The following DMXL2 variants were observed in gnomAD, a reference collection of about 807,000 sequenced individuals.
DMXL2 encodes the protein Dmx like 2.
In DMXL2, 103 loss-of-function variants were observed where a neutral mutation model predicts 331.1. The observed-to-expected ratio is 0.31, with a 90% CI of 0.27 to 0.37. The LOEUF (loss-of-function observed/expected upper bound fraction) is 0.37. DMXL2 is among the 10% of genes least tolerant of loss of function. The pLI is 1.00. For missense variants in DMXL2, 3,171 were observed against 3,642.9 expected (o/e 0.87, Z 3.33); for synonymous variants, 1,281 against 1,252.1 (o/e 1.02, Z -0.49).
chr15:51,556,082 G>A (rs907694299), intron 6 of DMXL2, among the ~76,000 whole-genome samples: 7 of 152,158 alleles, frequency 4.6e-5, no homozygotes, highest in East Asian at 1.9e-4. Context: ...GGTGGCTCAC[G>A]CCTGTAATCC....
At chr15:51,619,843 C>G (rs1278977001) in intron 1 of DMXL2, among the ~76,000 whole-genome samples, 1 of 152,138 alleles carries the variant, frequency 6.6e-6, no homozygotes, top group Non-Finnish European at 1.5e-5. Flanking sequence ...CACCCACACA[C>G]CCTCTCCAGA....
At chr15:51,468,459 G>A (rs2040800146) in intron 29 of DMXL2, among the ~76,000 whole-genome samples, 1 of 152,150 alleles carries the variant, frequency 6.6e-6, no homozygotes, top group South Asian at 2.1e-4. Flanking sequence ...TATAAAATAT[G>A]TTTAAATCTA....
chr15:51,622,035 A>G (rs540419490), intron 1 of DMXL2, among the ~76,000 whole-genome samples: 1 of 152,122 alleles, frequency 6.6e-6, no homozygotes, highest in South Asian at 2.1e-4. Context: ...TCCGAGACCA[A>G]CACCAAGTCT....
At position 51,507,115 on chromosome 15, in the gene DMXL2, T is replaced by A; in HGVS notation, c.2764+19A>T. 6.4e-7 allele frequency: 1 copy of A among 1,565,066 alleles called. No homozygotes were observed. The highest frequency in any genetic ancestry group is 8.7e-7 in the Non-Finnish European group (1 of 1,153,132). On this transcript the variant is annotated intron_variant, in intron 16 of 43. Coordinates refer to ENST00000560891, the MANE Select transcript of DMXL2 (RefSeq NM_001378457.1). Reference sequence around the variant, plus strand: ...AAATTTGTTATGTATCATCTCTGTATAAAACTATAATTACTTACCTAAACA... The same window carrying A: ...AAATTTGTTATGTATCATCTCTGTAAAAAACTATAATTACTTACCTAAACA...
intron 1 of DMXL2, among the ~76,000 whole-genome samples, chr15:51,587,633 G>A (rs2051954385): frequency 6.6e-6 from 1 of 152,172 alleles, no homozygotes; most frequent in African/African-American, 2.4e-5. Flanking sequence ...AAACATACGT[G>A]TGCATGTGTC....
chr15:51,479,780 G>A (rs951934206), intron 25 of DMXL2, among the ~76,000 whole-genome samples, 168 bp downstream of exon 25: 2 of 152,164 alleles, frequency 1.3e-5, no homozygotes, highest in African/African-American at 4.8e-5. Context: ...CCAGAAGTAA[G>A]AACACTTACT....
rs1443749304 is a variant in DMXL2, at chr15:51,576,201, A to AG, written c.88-21_88-20insC. On this transcript the variant is annotated intron_variant, in intron 1 of 43. Transcript: ENST00000560891. ...ATATGCCTAAAAAAAAAAAAAAAAA[A>AG]AAGTTTTACAATACATAAGATATGT... 1.3e-5 allele frequency: 19 copies of AG among 1,438,164 alleles called. No individual in the cohort carries two copies. The highest frequency in any genetic ancestry group is 4.4e-5 in the African/African-American group (3 of 68,550). The allele number at this position is 1,438,164 out of a possible 1,614,324, so 89.1% of individuals were successfully genotyped here.
intron 1 of DMXL2, among the ~76,000 whole-genome samples, chr15:51,614,094 C>G (rs1480687515): frequency 6.6e-6 from 1 of 152,034 alleles, no homozygotes; most frequent in Non-Finnish European, 1.5e-5. Flanking sequence ...AGGGTGGGGC[C>G]CTATAAGACT....
intron 31 of DMXL2, among the ~76,000 whole-genome samples, chr15:51,465,257 C>T (rs556158541): frequency 6.6e-6 from 1 of 152,180 alleles, no homozygotes; most frequent in South Asian, 2.1e-4. Context: ...ATTAGCCCAG[C>T]ATGGTAGCAC....
rs57226377 is a variant in DMXL2, at chr15:51,583,106, CTT to C, written c.88-6927_88-6926del. On this transcript the variant is annotated intron_variant, in intron 1 of 43. Transcript: ENST00000560891. ...GCACAGAGGAAATTACTTCATTCTT[CTT>C]TTTTTTTTTTTTCTTTTTTTTTTTT... 4.8e-3 allele frequency among the ~76,000 whole-genome samples: 415 copies of C among 87,186 alleles called. 2 individuals carry two copies. Among genetic ancestry groups the C allele is most frequent in the Middle Eastern group, 0.021 (3 of 142 alleles). 57.2% of individuals were successfully genotyped at this position (87,186 alleles called of 152,430 possible). A position where few individuals can be genotyped will look rare whatever the true frequency, so the allele number is the denominator to read the frequency against.
At chr15:51,586,331 G>A (rs2051821704) in intron 1 of DMXL2, among the ~76,000 whole-genome samples, 1 of 152,052 alleles carries the variant, frequency 6.6e-6, no homozygotes, top group South Asian at 2.1e-4. Context: ...CAAAGCTGTG[G>A]GTGCTATGTC....
chr15:51,453,460 G>T, intron 41 of DMXL2, 90 bp downstream of exon 41: 1 of 970,824 alleles, frequency 1.0e-6, no homozygotes, highest in Non-Finnish European at 1.5e-6. Context: ...GCCTAGAGTG[G>T]AAAAACCCTA....
chr15:51,554,255 A>G (rs577924080), intron 6 of DMXL2, among the ~76,000 whole-genome samples: 1 of 152,306 alleles, frequency 6.6e-6, no homozygotes, highest in South Asian at 2.1e-4. Flanking sequence ...AAGTCAAAGG[A>G]ATGACTGGCT....
intron 16 of DMXL2, among the ~76,000 whole-genome samples, chr15:51,506,273 G>A (rs1336655435): frequency 1.3e-5 from 2 of 151,928 alleles, no homozygotes; most frequent in African/African-American, 4.8e-5. Context: ...CTATTGCCCA[G>A]GCTGATCTCG....
At position 51,529,136 on chromosome 15, in the gene DMXL2, G is replaced by A. The variant is rs369705886; in HGVS notation, c.2436+6527C>T. 1.2e-4 allele frequency among the ~76,000 whole-genome samples: 19 copies of A among 152,118 alleles called. No individual in the cohort carries two copies. The East Asian group carries it at 2.3e-3, about 19-fold the overall frequency. On this transcript the variant is annotated intron_variant, in intron 13 of 43. Transcript: ENST00000560891. ...TACTAAAAGAGGGAAGTTTATAGCT[G>A]TAAGTGCCTACATCAAAAAACAAGG...
rs28731446 is a variant in DMXL2, at chr15:51,606,853, A to C, written c.87+15606T>G. 9.2e-3 allele frequency among the ~76,000 whole-genome samples: 1,401 copies of C among 152,354 alleles called. 23 individuals carry two copies. Among genetic ancestry groups the C allele is most frequent in the African/African-American group, 0.032 (1,344 of 41,590 alleles). ...AAAAACATCTAGAATGTTGCACAAA[A>C]GGATAAAAAGATAGAAAACATGGGG... On this transcript the variant is annotated intron_variant, in intron 1 of 43. Transcript: ENST00000560891.
At position 51,593,593 on chromosome 15, in the gene DMXL2, C is replaced by A. The variant is rs896351396; in HGVS notation, c.88-17412G>T. On this transcript the variant is annotated intron_variant, in intron 1 of 43. Coordinates refer to ENST00000560891, the MANE Select transcript of DMXL2 (RefSeq NM_001378457.1). ...ATAGACATCTACAGAACTCTCCACC[C>A]CAAATCAACAGAATATACATTCTTC... is the stretch of plus-strand genomic sequence containing the variant. Among the ~76,000 whole-genome samples the A allele has an allele frequency of 9.2e-5, 14 of 152,304 alleles. No homozygotes were observed. In the East Asian group the frequency reaches 1.2e-3, roughly 13 times the overall value.
At chr15:51,600,064 A>G (rs543270064) in intron 1 of DMXL2, among the ~76,000 whole-genome samples, 1 of 152,306 alleles carries the variant, frequency 6.6e-6, no homozygotes, top group African/African-American at 2.4e-5. Context: ...CACAATATCC[A>G]AAATATTTCT....
At chr15:51,516,652 C>T (rs2047053222) in intron 14 of DMXL2, among the ~76,000 whole-genome samples, 1 of 152,120 alleles carries the variant, frequency 6.6e-6, no homozygotes, top group Non-Finnish European at 1.5e-5. Flanking sequence ...AAAAATTTTA[C>T]TTAAATAGCT....
Sources: gnomAD v4.1 joint callset for allele counts (sites outside exome capture counted in the v4.1 genomes callset) on GRCh38, gnomAD v4.1.1 for gene constraint, MANE v1.5 for transcripts, NCBI Gene and HGNC (gene_info 2026-07-23, HGNC 2026-07-21) for gene names.